ROBO2: variants seen among roughly 807,000 people sequenced by gnomAD.
ROBO2 encodes the protein roundabout homolog 2.
Under a neutral mutation model 160.8 loss-of-function variants are expected in ROBO2, and 53 were observed. That is an observed-to-expected ratio of 0.33 (90% CI 0.26 to 0.41). The LOEUF (loss-of-function observed/expected upper bound fraction) is 0.41. Among genes scored for constraint, ROBO2 ranks in the 10% least tolerant of loss-of-function variants. The pLI is 1.00. For synonymous variants in ROBO2, 664 were observed against 611.7 expected, an observed-to-expected ratio of 1.09 and a Z score of -1.26; for missense variants, 1,577 against 1,722.4, an observed-to-expected ratio of 0.92 and a Z score of 1.49.
At chr3:76,737,271 T>C (rs571590462) in intron 2 of ROBO2, among the ~76,000 whole-genome samples, 14 of 152,254 alleles carry the variant, frequency 9.2e-5, no homozygotes, top group Admixed American at 2.0e-4. Context: ...ATTTTTATCA[T>C]CTAGAATAGG....
intron 1 of ROBO2, among the ~76,000 whole-genome samples, chr3:75,915,637 C>T (rs1284461336): frequency 1.3e-5 from 2 of 152,058 alleles, no homozygotes; most frequent in Non-Finnish European, 2.9e-5. Flanking sequence ...GCGGGGCTTT[C>T]GAGCTGCATT....
intron 1 of ROBO2, among the ~76,000 whole-genome samples, chr3:77,082,275 T>C (rs572916624): frequency 7.9e-5 from 12 of 152,320 alleles, no homozygotes; most frequent in African/African-American, 2.9e-4. Flanking sequence ...TATTCAGAGG[T>C]CACTCCTTGT....
At chr3:76,713,509 A>G (rs2093333661) in intron 2 of ROBO2, among the ~76,000 whole-genome samples, 1 of 152,186 alleles carries the variant, frequency 6.6e-6, no homozygotes, top group Non-Finnish European at 1.5e-5. Context: ...ATGTAGTTTA[A>G]TATTCAAATG....
intron 2 of ROBO2, among the ~76,000 whole-genome samples, chr3:76,249,256 A>C (rs1705831338): frequency 6.6e-6 from 1 of 152,074 alleles, no homozygotes; most frequent in Non-Finnish European, 1.5e-5. Flanking sequence ...AGTGCCTCAG[A>C]ACTGGGAAGT....
intron 2 of ROBO2, among the ~76,000 whole-genome samples, chr3:76,622,805 G>A (rs1159230110): frequency 1.3e-5 from 2 of 152,086 alleles, no homozygotes; most frequent in Non-Finnish European, 2.9e-5. Context: ...GGCTTACAAT[G>A]TGGTTTCTAT....
At chr3:77,073,666 TAC>T (rs765807369) in intron 1 of ROBO2, among the ~76,000 whole-genome samples, 10 of 152,240 alleles carry the variant, frequency 6.6e-5, no homozygotes, top group Non-Finnish European at 1.0e-4. Context: ...TCCTTGAGCA[TAC>T]AGAGTTGCTG....
chr3:76,934,840 T>A (rs2077583630), intron 2 of ROBO2, among the ~76,000 whole-genome samples: 1 of 152,080 alleles, frequency 6.6e-6, no homozygotes, highest in South Asian at 2.1e-4. Context: ...CCAAAATATA[T>A]AGGAATTATC....
rs532880787 is a variant in ROBO2, at chr3:76,238,853, G to A, written c.109+301251G>A. On this transcript the variant is annotated intron_variant, in intron 2 of 26. Coordinates refer to the ROBO2 transcript ENST00000487694. Reference sequence around the variant, plus strand: ...GATGAGATTTGGGTGAGGACACAAAGCCTAACCATATCACTGACTAGACCT... The same window carrying A: ...GATGAGATTTGGGTGAGGACACAAAACCTAACCATATCACTGACTAGACCT... Among the ~76,000 whole-genome samples the A allele has an allele frequency of 6.6e-5, 10 of 152,304 alleles. No homozygotes were observed. The South Asian group carries it at 2.1e-3, about 32-fold the overall frequency.
chr3:76,826,466 A>G (rs986389649), intron 2 of ROBO2, among the ~76,000 whole-genome samples: 5 of 152,112 alleles, frequency 3.3e-5, no homozygotes, highest in South Asian at 2.1e-4. Flanking sequence ...CTTTTATACT[A>G]TGAAATGCTA....
At chr3:77,291,527 A>G (rs2061255230) in intron 2 of ROBO2, among the ~76,000 whole-genome samples, 1 of 151,896 alleles carries the variant, frequency 6.6e-6, no homozygotes, top group African/African-American at 2.4e-5. Flanking sequence ...TTAAAAGGGT[A>G]GGCTGAGGCT....
chr3:77,330,299 C>A (rs546598278), intron 2 of ROBO2, among the ~76,000 whole-genome samples: 1 of 152,324 alleles, frequency 6.6e-6, no homozygotes, highest in African/African-American at 2.4e-5. Flanking sequence ...AGGTGGATCA[C>A]TTGAGGCCAG....
At chr3:77,563,093 C>T in intron 10 of ROBO2, 74 bp from the exon 12 acceptor site, 1 of 1,437,630 alleles carries the variant, frequency 7.0e-7, no homozygotes, top group Non-Finnish European at 9.7e-7. Flanking sequence ...CTTTAGTAGA[C>T]TGCTTCCTTC....
At chr3:77,410,712 T>TC (rs1167739123) in intron 2 of ROBO2, among the ~76,000 whole-genome samples, 1 of 140,866 alleles carries the variant, frequency 7.1e-6, no homozygotes, top group Non-Finnish European at 1.5e-5. Flanking sequence ...CTCCTCCTCC[T>TC]CCTCTTCCTC....
At chr3:76,913,045 C>T (rs1045452880) in intron 2 of ROBO2, among the ~76,000 whole-genome samples, 1 of 152,016 alleles carries the variant, frequency 6.6e-6, no homozygotes, top group African/African-American at 2.4e-5. Flanking sequence ...TGATAGCAAA[C>T]CTTGGTGGAG....
At chr3:77,540,803 CATT>C (rs903235154) in intron 6 of ROBO2, among the ~76,000 whole-genome samples, 2 of 151,648 alleles carry the variant, frequency 1.3e-5, no homozygotes, top group African/African-American at 4.9e-5. Flanking sequence ...GGTTTTACAT[CATT>C]ATGATAGTAG....
At chr3:76,085,321 A>G (rs2068974927) in intron 2 of ROBO2, among the ~76,000 whole-genome samples, 1 of 152,162 alleles carries the variant, frequency 6.6e-6, no homozygotes, top group Admixed American at 6.6e-5. Flanking sequence ...AATGCTATGC[A>G]AGTTTGTGTT....
rs62802963 is a variant in ROBO2 at position 76,406,997 on chromosome 3, G to GTT, written c.109+469410_109+469411dup. On this transcript the variant is annotated intron_variant, in intron 2 of 26. Coordinates refer to the ROBO2 transcript ENST00000487694. ...TAAACTGGCCAGACCACCCTGAGTT[G>GTT]TTTTTTTTTTTTTTTTCATTTATTT... is the stretch of plus-strand genomic sequence containing the variant. Among the ~76,000 whole-genome samples the GTT allele has an allele frequency of 2.9e-3, 356 of 123,328 alleles. 1 individual carries two copies. The highest frequency in any genetic ancestry group is 5.6e-3 in the African/African-American group (199 of 35,648). 80.9% of individuals were successfully genotyped at this position (123,328 alleles called of 152,430 possible).
intron 2 of ROBO2, among the ~76,000 whole-genome samples, chr3:76,559,589 C>A (rs764303917): frequency 6.6e-6 from 1 of 152,094 alleles, no homozygotes; most frequent in Non-Finnish European, 1.5e-5. Flanking sequence ...CTTCCCAAGT[C>A]TTTGGCCAAA....
chr3:75,973,343 C>T (rs1273846165), intron 2 of ROBO2, among the ~76,000 whole-genome samples: 1 of 151,576 alleles, frequency 6.6e-6, no homozygotes, highest in East Asian at 2.0e-4. Context: ...TGCTTCAGTA[C>T]AAACTTTCCA....
Sources: gnomAD v4.1 joint callset for allele counts (sites outside exome capture counted in the v4.1 genomes callset) on GRCh38, gnomAD v4.1.1 for gene constraint, MANE v1.5 for transcripts, NCBI Gene and HGNC (gene_info 2026-07-23, HGNC 2026-07-21) for gene names.